Variants in LOXL2 observed in about 807,000 individuals in gnomAD.
LOXL2 encodes lysyl oxidase like 2.
Under a neutral mutation model 93.0 loss-of-function variants are expected in LOXL2, and 70 were observed. The ratio of observed to expected loss-of-function variants is 0.75; its 90% CI spans 0.62 to 0.92. The LOEUF is 0.92. Among genes scored for constraint, LOXL2 ranks in the 40% least tolerant of loss-of-function variants. The probability of loss-of-function intolerance (pLI) is 0.00; values close to 1 mark genes in which losing one functional copy is unlikely to be tolerated. For synonymous variants in LOXL2, 438 were observed against 413.2 expected (o/e 1.06, Z -0.73); for missense variants, 973 against 1,054.9 (o/e 0.92, Z 1.08).
rs1258926972 is a variant in LOXL2, at chr8:23,303,417, G to C, written c.1881-20C>G. ...TAGTGCCTGGAGCGAGAGAGAGATGGCCTGGAGGTCAGTTTCTGGAGCAAC... is the reference window on the plus strand; with the variant it reads ...TAGTGCCTGGAGCGAGAGAGAGATGCCCTGGAGGTCAGTTTCTGGAGCAAC... On this transcript the variant is annotated intron_variant, in intron 10 of 13. Coordinates refer to ENST00000389131, the MANE Select transcript of LOXL2 (RefSeq NM_002318.3). 1 of 1,440,284 alleles carries C rather than the reference G, an allele frequency of 6.9e-7. No individual in the cohort carries two copies. The highest frequency in any genetic ancestry group is 1.1e-5 in the South Asian group (1 of 87,524). 89.2% of individuals were successfully genotyped at this position (1,440,284 alleles called of 1,614,324 possible).
At chr8:23,322,057 T>G in intron 7 of LOXL2, 73 bp downstream of exon 7, 1 of 1,528,354 alleles carries the variant, frequency 6.5e-7, no homozygotes, top group Non-Finnish European at 8.9e-7. Flanking sequence ...CTTCCAGGGT[T>G]CACCCCAGAG....
chr8:23,309,561 A>C (rs1182253549), intron 10 of LOXL2, 107 bp downstream of exon 10: 3 of 1,252,686 alleles, frequency 2.4e-6, no homozygotes, highest in African/African-American at 1.6e-5. Context: ...TCCCCAGGCC[A>C]TGCAGCCTCT....
intron 3 of LOXL2, among the ~76,000 whole-genome samples, chr8:23,341,847 CAG>C (rs928811397): frequency 2.6e-5 from 4 of 152,180 alleles, no homozygotes; most frequent in Admixed American, 6.5e-5. Context: ...GTGCTGTGTG[CAG>C]AGACTCACAC....
chr8:23,298,655 G>A (rs1803077913), intron 13 of LOXL2, among the ~76,000 whole-genome samples, 181 bp downstream of exon 13: 1 of 152,204 alleles, frequency 6.6e-6, no homozygotes, highest in Admixed American at 6.5e-5. Context: ...GGCCGGAGCT[G>A]GCTGTAAAAA....
At chr8:23,390,640 C>T (rs1585383873) in intron 1 of LOXL2, among the ~76,000 whole-genome samples, 1 of 152,192 alleles carries the variant, frequency 6.6e-6, no homozygotes, top group Non-Finnish European at 1.5e-5. Flanking sequence ...GGTACAGTTT[C>T]AAAGACTTTA....
intron 3 of LOXL2, among the ~76,000 whole-genome samples, chr8:23,346,965 C>T (rs1273615003): frequency 6.6e-6 from 1 of 152,208 alleles, no homozygotes; most frequent in Non-Finnish European, 1.5e-5. Context: ...CTCCCACAAC[C>T]ACCAGCAAGT....
chr8:23,314,373 G>A (rs988452692), intron 9 of LOXL2, among the ~76,000 whole-genome samples: 1 of 143,212 alleles, frequency 7.0e-6, no homozygotes, highest in Non-Finnish European at 1.5e-5. Flanking sequence ...ATTCACGATA[G>A]CAAAGACTTG....
At chr8:23,361,178 C>T (rs1268355425) in intron 2 of LOXL2, among the ~76,000 whole-genome samples, 2 of 152,106 alleles carry the variant, frequency 1.3e-5, no homozygotes, top group African/African-American at 2.4e-5. Flanking sequence ...GGATTACAGG[C>T]GTGAGGCACT....
Position 23,300,111 on chromosome 8 carries a change from G to C in LOXL2, c.2134-1164C>G, listed in dbSNP as rs557413920. Among the ~76,000 whole-genome samples, 75 of 152,392 alleles carry C rather than the reference G, an allele frequency of 4.9e-4. 1 individual carries two copies. The highest frequency in any genetic ancestry group is 1.8e-3 in the African/African-American group (73 of 41,594). On this transcript the variant is annotated intron_variant, in intron 12 of 13. Transcript: ENST00000389131. ...GCTCCACATGCCAAGGCCTCCAGCTGTGCAGGCCTAGGCAGCTCCTTGGCC... is the reference window on the plus strand; with the variant it reads ...GCTCCACATGCCAAGGCCTCCAGCTCTGCAGGCCTAGGCAGCTCCTTGGCC...
intron 9 of LOXL2, among the ~76,000 whole-genome samples, chr8:23,315,194 G>A (rs570991609): frequency 7.2e-5 from 11 of 152,188 alleles, no homozygotes; most frequent in Non-Finnish European, 1.5e-4. Context: ...ACATACAGAA[G>A]GTTGAGAAAA....
At chr8:23,367,472 T>A (rs57388642) in intron 2 of LOXL2, among the ~76,000 whole-genome samples, 3 of 152,098 alleles carry the variant, frequency 2.0e-5, no homozygotes, top group Non-Finnish European at 4.4e-5. Flanking sequence ...AAGCCCACAA[T>A]AGCAGGTTAG....
chr8:23,326,124 T>C (rs1803574019), intron 6 of LOXL2, among the ~76,000 whole-genome samples: 1 of 152,220 alleles, frequency 6.6e-6, no homozygotes, highest in Non-Finnish European at 1.5e-5. Context: ...GTCTGCTCTG[T>C]GACTTGACAT....
At chr8:23,395,422 G>A (rs1800078598) in intron 1 of LOXL2, among the ~76,000 whole-genome samples, 1 of 152,020 alleles carries the variant, frequency 6.6e-6, no homozygotes. Flanking sequence ...TTTAAGGCTG[G>A]GAGGATAGGC....
intron 1 of LOXL2, among the ~76,000 whole-genome samples, chr8:23,377,289 A>G (rs1329156456): frequency 1.3e-5 from 2 of 152,176 alleles, no homozygotes; most frequent in Non-Finnish European, 2.9e-5. Context: ...GTTTGATTGC[A>G]CTGTGGTCTG....
At chr8:23,375,232 G>A (rs1804569102) in intron 1 of LOXL2, among the ~76,000 whole-genome samples, 1 of 152,124 alleles carries the variant, frequency 6.6e-6, no homozygotes, top group South Asian at 2.1e-4. Context: ...TTTTTGTCAG[G>A]TTTGTTAAAG....
intron 9 of LOXL2, among the ~76,000 whole-genome samples, chr8:23,310,624 A>AT (rs1169459372): frequency 2.0e-5 from 3 of 152,246 alleles, no homozygotes; most frequent in African/African-American, 4.8e-5. Flanking sequence ...CATATAACTT[A>AT]TTTTTTTCTT....
intron 1 of LOXL2, among the ~76,000 whole-genome samples, chr8:23,392,789 C>T (rs183962904): frequency 6.6e-5 from 10 of 152,162 alleles, no homozygotes; most frequent in East Asian, 3.9e-4. Flanking sequence ...CTTTAAGAAT[C>T]GACTCACGTG....
At chr8:23,382,402 G>C (rs1442331041) in intron 1 of LOXL2, 1 of 151,826 alleles carries the variant, frequency 6.6e-6, no homozygotes, top group Non-Finnish European at 1.5e-5. Context: ...TGTAGTCCCA[G>C]TTACTCAGGA....
At chr8:23,358,441 G>T (rs1232005629) in intron 3 of LOXL2, among the ~76,000 whole-genome samples, 2 of 152,194 alleles carry the variant, frequency 1.3e-5, no homozygotes, top group African/African-American at 2.4e-5. Context: ...ACCCAAGTAG[G>T]GCAATTTCAA....
Sources: gnomAD v4.1 joint callset for allele counts (sites outside exome capture counted in the v4.1 genomes callset) on GRCh38, gnomAD v4.1.1 for gene constraint, MANE v1.5 for transcripts, NCBI Gene and HGNC (gene_info 2026-07-23, HGNC 2026-07-21) for gene names.